ZNFX1: variants seen among roughly 807,000 people sequenced by gnomAD.
ZNFX1 encodes the protein NFX1-type zinc finger-containing protein 1.
In ZNFX1, 78 loss-of-function variants were observed where a neutral mutation model predicts 179.8. That is an observed-to-expected ratio of 0.43 (90% CI 0.36 to 0.52). ZNFX1 has a LOEUF of 0.52. Among genes scored for constraint, ZNFX1 ranks in the 20% least tolerant of loss-of-function variants. ZNFX1 has a pLI of 0.00. For synonymous variants in ZNFX1, 848 were observed against 868.5 expected, an observed-to-expected ratio of 0.98 and a Z score of 0.42; for missense variants, 1,927 against 2,386.6, an observed-to-expected ratio of 0.81 and a Z score of 4.01.
intron 1 of ZNFX1, among the ~76,000 whole-genome samples, chr20:49,276,830 G>T (rs1183595370): frequency 6.6e-6 from 1 of 152,144 alleles, no homozygotes; most frequent in Non-Finnish European, 1.5e-5. Context: ...CTTCCCCCTG[G>T]GAATATCTCT....
chr20:49,255,194 C>G (rs538997110), intron 9 of ZNFX1, among the ~76,000 whole-genome samples: 15 of 152,152 alleles, frequency 9.9e-5, no homozygotes, highest in Admixed American at 9.8e-4. Flanking sequence ...TAGGCACCGG[C>G]CACCACGCCC....
chr20:49,259,118 AT>A (rs67855923), intron 7 of ZNFX1, among the ~76,000 whole-genome samples: 85,885 of 133,262 alleles, frequency 0.64, 28,288 homozygotes, highest in Non-Finnish European at 0.74. Context: ...TCAAAAAAAA[AT>A]AAATAAATAA....
intron 7 of ZNFX1, among the ~76,000 whole-genome samples, chr20:49,258,001 C>T (rs1216514922): frequency 4.0e-5 from 6 of 150,738 alleles, no homozygotes; most frequent in East Asian, 2.0e-4. Flanking sequence ...CGTGAGCCAC[C>T]GTGCCTGGCC....
In ZNFX1 at chr20:49,247,178, A is replaced by G. The variant is rs1980697593; in HGVS notation, c.*89T>C. The G allele has an allele frequency of 2.7e-6, 4 of 1,507,242 alleles. No individual in the cohort carries two copies. The highest frequency in any genetic ancestry group is 3.6e-6 in the Non-Finnish European group (4 of 1,124,146). 93.4% of individuals were successfully genotyped at this position (1,507,242 alleles called of 1,614,324 possible). ...CACTGCGCCCAGCCTAAAAAGGATG[A>G]TAATAAAAAACAAACTTCAGTTCCT... On this transcript the variant is annotated 3_prime_UTR_variant, in exon 14 of 14. Transcript: ENST00000396105.
chr20:49,263,847 T>TG (rs1176590708), intron 5 of ZNFX1, among the ~76,000 whole-genome samples: 1 of 152,028 alleles, frequency 6.6e-6, no homozygotes, highest in African/African-American at 2.4e-5. Flanking sequence ...CCAAAATGCT[T>TG]GGGACTAGAA....
intron 10 of ZNFX1, 70 bp from the exon 11 acceptor site, chr20:49,253,881 T>G (rs1980903834): frequency 6.4e-7 from 1 of 1,569,842 alleles, no homozygotes; most frequent in Non-Finnish European, 8.7e-7. Flanking sequence ...ACTGGGCCTC[T>G]GGGAATCCAC....
Position 49,253,896 on chromosome 20 carries a change from G to A in ZNFX1, c.2960-85C>T. Reference sequence around the variant, plus strand: ...ACTGGGCCTCTGGGAATCCACTTCTGTATCTTCCCTGAACCTGCATCAGCG... The same window carrying A: ...ACTGGGCCTCTGGGAATCCACTTCTATATCTTCCCTGAACCTGCATCAGCG... On this transcript the variant is annotated intron_variant, in intron 10 of 13. Coordinates refer to ENST00000396105, the MANE Select transcript of ZNFX1 (RefSeq NM_021035.3). The A allele has an allele frequency of 9.9e-6, 15 of 1,512,342 alleles. No homozygotes were observed. The South Asian group carries it at 1.8e-4, about 18-fold the overall frequency. The allele number at this position is 1,512,342 out of a possible 1,614,324, so 93.7% of individuals were successfully genotyped here.
At position 49,249,374 on chromosome 20, in the gene ZNFX1, AT is replaced by A; in HGVS notation, c.3649del (p.Ile1217SerfsTer40). The A allele has an allele frequency of 6.2e-7, 1 of 1,614,236 alleles. No homozygotes were observed. The highest frequency in any genetic ancestry group is 1.1e-5 in the South Asian group (1 of 91,088). ...CTTGGCTCGGGACAAGGCCACACAG[AT>A]GCGGTTGGATATCTGCAGAAAACCC... Reference protein sequence around the residue: ...KVGFLQISNRICVALSRAKKG... With the variant: ...KVGFLQISNRXCVALSRAKKG... On this transcript the variant is annotated frameshift_variant, in exon 14 of 14. Coordinates refer to ENST00000396105, the MANE Select transcript of ZNFX1 (RefSeq NM_021035.3). LOFTEE classifies it high-confidence loss of function.
intron 3 of ZNFX1, among the ~76,000 whole-genome samples, chr20:49,267,495 T>C (rs1452922085): frequency 1.3e-5 from 2 of 151,650 alleles, no homozygotes; most frequent in African/African-American, 4.8e-5. Flanking sequence ...TTTTTTTTTT[T>C]AAATCATGAG....
At chr20:49,253,866 G>A in intron 10 of ZNFX1, 55 bp from the exon 11 acceptor site, 1 of 1,595,586 alleles carries the variant, frequency 6.3e-7, no homozygotes, top group East Asian at 2.2e-5. Flanking sequence ...AGGACCCACA[G>A]GGCCACTGGG....
chr20:49,252,614 G>A (rs1321382957), intron 12 of ZNFX1, 106 bp downstream of exon 12: 1 of 701,492 alleles, frequency 1.4e-6, no homozygotes, highest in Non-Finnish European at 2.5e-6. Context: ...AGTCATTTCA[G>A]TATTAAATTA....
Position 49,254,490 on chromosome 20 carries a change from C to G in ZNFX1, c.2959+5G>C, listed in dbSNP as rs1165459800. On this transcript the variant is annotated splice_donor_5th_base_variant and intron_variant, in intron 10 of 13. Coordinates refer to ENST00000396105, the MANE Select transcript of ZNFX1 (RefSeq NM_021035.3). ...CAACAGGCAAATTTCTCCACAGTTT[C>G]TTACCTGTGGTTGTCATTCCTACAA... is the stretch of plus-strand genomic sequence containing the variant. 6.2e-7 allele frequency: 1 copy of G among 1,613,742 alleles called. No individual in the cohort carries two copies. Among genetic ancestry groups the G allele is most frequent in the Non-Finnish European group, 8.5e-7 (1 of 1,179,798 alleles).
chr20:49,262,320 C>T (rs1242129779), intron 6 of ZNFX1, among the ~76,000 whole-genome samples: 4 of 150,040 alleles, frequency 2.7e-5, no homozygotes, highest in Non-Finnish European at 4.4e-5. Context: ...GTAAGAGAAT[C>T]GCTTGAACCC....
At chr20:49,272,028 T>C (rs1981420377) in intron 2 of ZNFX1, among the ~76,000 whole-genome samples, 1 of 152,210 alleles carries the variant, frequency 6.6e-6, no homozygotes, top group Non-Finnish European at 1.5e-5. Context: ...ACATACAGTA[T>C]GTCTCATTGC....
chr20:49,261,350 C>T (rs1227318799), intron 6 of ZNFX1, among the ~76,000 whole-genome samples: 1 of 152,128 alleles, frequency 6.6e-6, no homozygotes, highest in Non-Finnish European at 1.5e-5. Context: ...AAACGTGGTA[C>T]ATATATACCA....
chr20:49,271,254 G>A lies in ZNFX1; in HGVS notation c.558C>T (p.Leu186=), dbSNP rs537172031. 1.9e-6 allele frequency: 3 copies of A among 1,614,172 alleles called. No individual in the cohort carries two copies. In the Admixed American group the frequency reaches 5.0e-5, roughly 27 times the overall value. Residue 186 remains leucine, a synonymous_variant, in exon 3 of 14, where the codon CTC becomes CTT. Transcript: ENST00000396105. The stretch of plus-strand genomic sequence containing the variant: ...AAGCCTTCCGAAGAACCTGACAGAT[G>A]AGCTCAAGGAAGTTAGATTTCATGG... The part of the protein sequence containing the change: ...HSSMKSNFLE[L]ICQVLRKACS...
rs372155342 is a variant in ZNFX1, at chr20:49,248,673, T to C, written c.4351A>G (p.Ser1451Gly). ...TCATGGAAACGCCCTTCGAAGCAGC[T>C]GTGGCAGGAGCCTGGGCAAGGATGC... is the stretch of plus-strand genomic sequence containing the variant. ...CGHPCPGSCH[S>G]CFEGRFHERC... The change falls in exon 14 of 14, where the codon AGC becomes GGC. Residue 1451 changes from serine to glycine, a missense_variant. Coordinates refer to ENST00000396105, the MANE Select transcript of ZNFX1 (RefSeq NM_021035.3). The surrounding 1 kb of genome is among the most constrained non-coding windows in gnomAD (Gnocchi z 4.6). 8.4e-5 allele frequency: 136 copies of C among 1,613,164 alleles called. No individual in the cohort carries two copies. The highest frequency in any genetic ancestry group is 1.0e-4 in the Non-Finnish European group (121 of 1,180,050).
intron 8 of ZNFX1, among the ~76,000 whole-genome samples, chr20:49,256,677 T>G (rs1367351514): frequency 6.6e-6 from 1 of 152,176 alleles, no homozygotes; most frequent in Admixed American, 6.5e-5. Context: ...CTGGGAGAGA[T>G]GCTGAATCTG....
chr20:49,271,368 G>C lies in ZNFX1; in HGVS notation c.444C>G (p.Phe148Leu), dbSNP rs768884571. 6.2e-7 allele frequency: 1 copy of C among 1,614,178 alleles called. No individual in the cohort carries two copies. Among genetic ancestry groups the C allele is most frequent in the South Asian group, 1.1e-5 (1 of 91,086 alleles). Residue 148 changes from phenylalanine (F) to leucine (L), a missense_variant, in exon 3 of 14, where the codon TTC becomes TTG. Phe to Leu is a conservative substitution (Grantham distance 22). Transcript: ENST00000396105. ...PQQAKKLGYK[F>L]LESLLQKDPS... ...GGTCTTTCTGCAGAAGACTTTCTAA[G>C]AACTTGTAGCCCAGTTTCTTCGCCT...
Sources: allele counts gnomAD v4.1 joint callset (sites outside exome capture counted in the v4.1 genomes callset), GRCh38; gene constraint gnomAD v4.1.1; non-coding constraint Gnocchi (gnomAD v3.1); transcripts MANE v1.5; gene names NCBI Gene and HGNC (gene_info 2026-07-23, HGNC 2026-07-21).